The following FRMD4A variants were observed in gnomAD, a reference collection of about 807,000 sequenced individuals.
FRMD4A encodes FERM domain-containing protein 4A.
FRMD4A carries 29 observed loss-of-function variants against 129.1 expected under a neutral mutation model. That is an observed-to-expected ratio of 0.22 (90% confidence interval 0.17 to 0.31). The LOEUF (loss-of-function observed/expected upper bound fraction) is 0.31. Ranked by LOEUF, FRMD4A falls within the 10% of genes least tolerant of loss-of-function variation. The pLI is 1.00. For missense variants in FRMD4A, 1,272 were observed against 1,375.8 expected, an observed-to-expected ratio of 0.92 and a Z score of 1.19; for synonymous variants, 634 against 571.6, an observed-to-expected ratio of 1.11 and a Z score of -1.56.
intron 3 of FRMD4A, among the ~76,000 whole-genome samples, chr10:13,826,026 T>C (rs1165966411): frequency 6.6e-6 from 1 of 152,238 alleles, no homozygotes; most frequent in Non-Finnish European, 1.5e-5. Context: ...AAGCCAGTTC[T>C]ACCCGATGTG....
intron 2 of FRMD4A, among the ~76,000 whole-genome samples, chr10:14,222,023 G>A (rs983021899): frequency 6.6e-6 from 1 of 152,170 alleles, no homozygotes; most frequent in African/African-American, 2.4e-5. Context: ...TCTTTTTAAA[G>A]GGAGAAAATG....
intron 2 of FRMD4A, among the ~76,000 whole-genome samples, chr10:14,135,853 T>C (rs1839507121): frequency 6.6e-6 from 1 of 152,218 alleles, no homozygotes; most frequent in African/African-American, 2.4e-5. Flanking sequence ...AATACAATGG[T>C]CATGGAAAAT....
chr10:13,892,566 A>G (rs1254051214), intron 2 of FRMD4A, among the ~76,000 whole-genome samples: 1 of 152,082 alleles, frequency 6.6e-6, no homozygotes, highest in African/African-American at 2.4e-5. Context: ...GAGGAGCTCA[A>G]TTTGCTCTTA....
At chr10:13,689,533 C>T (rs1382162324) in intron 15 of FRMD4A, among the ~76,000 whole-genome samples, 1 of 4,632 alleles carries the variant, frequency 2.2e-4, no homozygotes, top group East Asian at 0.05. Flanking sequence ...ACTCTAGGAA[C>T]ATAGATTAGA....
intron 2 of FRMD4A, among the ~76,000 whole-genome samples, chr10:14,192,604 T>C (rs1564376841): frequency 6.6e-6 from 1 of 152,190 alleles, no homozygotes; most frequent in Non-Finnish European, 1.5e-5. Context: ...CAGGATCTCT[T>C]GGACTTATGT....
chr10:14,075,088 G>C (rs1835509197), intron 2 of FRMD4A, among the ~76,000 whole-genome samples: 1 of 152,134 alleles, frequency 6.6e-6, no homozygotes, highest in Non-Finnish European at 1.5e-5. Context: ...TGCTAACGTA[G>C]CACTGCCAAG....
At chr10:13,838,922 C>A (rs10906509) in intron 3 of FRMD4A, among the ~76,000 whole-genome samples, 46,414 of 151,086 alleles carry the variant, frequency 0.31, 7,486 homozygotes, top group Middle Eastern at 0.47. Context: ...GAATAAAAAC[C>A]ATCCAATGAT....
At chr10:14,309,775 C>A (rs534937649) in intron 2 of FRMD4A, among the ~76,000 whole-genome samples, 3 of 152,250 alleles carry the variant, frequency 2.0e-5, no homozygotes, top group South Asian at 4.2e-4. Context: ...AGCCCACGAC[C>A]ATTTCCTCTT....
intron 2 of FRMD4A, among the ~76,000 whole-genome samples, chr10:14,196,331 G>T (rs1842472398): frequency 6.6e-6 from 1 of 152,176 alleles, no homozygotes; most frequent in African/African-American, 2.4e-5. Flanking sequence ...ACTGATCCCA[G>T]AGTCTCTGCC....
intron 2 of FRMD4A, among the ~76,000 whole-genome samples, chr10:13,946,916 G>A (rs543291506): frequency 1.3e-5 from 2 of 152,286 alleles, no homozygotes; most frequent in South Asian, 4.1e-4. Context: ...ACAAAGAAGA[G>A]GAAGGCAGAC....
At chr10:14,203,094 C>A (rs1226308886) in intron 2 of FRMD4A, among the ~76,000 whole-genome samples, 1 of 152,162 alleles carries the variant, frequency 6.6e-6, no homozygotes, top group East Asian at 1.9e-4. Flanking sequence ...ATTTTAGACT[C>A]AAGTTTATGT....
chr10:14,279,827 T>C (rs73603251), intron 2 of FRMD4A, among the ~76,000 whole-genome samples: 19 of 152,296 alleles, frequency 1.2e-4, no homozygotes, highest in African/African-American at 4.1e-4. Flanking sequence ...CAAAGCAAGT[T>C]ACTTATTCAA....
intron 2 of FRMD4A, among the ~76,000 whole-genome samples, chr10:13,878,771 A>C (rs112068295): frequency 0.012 from 1,786 of 143,148 alleles, 44 homozygotes; most frequent in African/African-American, 0.046. Flanking sequence ...GAAAGAAAAG[A>C]AAGAGAGAGA....
intron 2 of FRMD4A, among the ~76,000 whole-genome samples, chr10:14,287,654 A>G (rs72778697): frequency 0.016 from 2,417 of 152,214 alleles, 57 homozygotes; most frequent in South Asian, 0.064. Flanking sequence ...TTGTAAAAAT[A>G]TTTCTCTTTT....
At chr10:14,130,605 TA>T (rs1839193282) in intron 2 of FRMD4A, among the ~76,000 whole-genome samples, 4 of 152,116 alleles carry the variant, frequency 2.6e-5, no homozygotes. Context: ...GTTTGGTGTG[TA>T]AAAAGCAGTC....
At chr10:13,879,535 T>C (rs1254757864) in intron 2 of FRMD4A, among the ~76,000 whole-genome samples, 3 of 151,932 alleles carry the variant, frequency 2.0e-5, no homozygotes, top group Non-Finnish European at 4.4e-5. Context: ...TAAAATAAAA[T>C]AAAAGAGAGA....
chr10:13,876,352 C>T (rs541699928), intron 2 of FRMD4A, among the ~76,000 whole-genome samples: 50 of 152,342 alleles, frequency 3.3e-4, no homozygotes, highest in Middle Eastern at 3.4e-3. Context: ...CTCAGTGCTT[C>T]AGAAAGCTTA....
chr10:13,909,324 C>A (rs901214403), intron 2 of FRMD4A, among the ~76,000 whole-genome samples: 3 of 152,218 alleles, frequency 2.0e-5, no homozygotes, highest in African/African-American at 7.2e-5. Context: ...AAATTGCTTT[C>A]TGTAGGGTGT....
intron 12 of FRMD4A, chr10:13,708,001 G>A: frequency 2.0e-6 from 1 of 499,284 alleles, no homozygotes; most frequent in Non-Finnish European, 2.6e-6. Flanking sequence ...AACCCTCTGG[G>A]AAATATCACA....
Sources: gnomAD v4.1 joint callset for allele counts (sites outside exome capture counted in the v4.1 genomes callset) on GRCh38, gnomAD v4.1.1 for gene constraint, MANE v1.5 for transcripts, NCBI Gene and HGNC (gene_info 2026-07-23, HGNC 2026-07-21) for gene names.